Variants in HPS4 observed in about 807,000 individuals in gnomAD.
The protein encoded by HPS4 is BLOC-3 complex member HPS4.
HPS4 carries 44 observed loss-of-function variants against 70.3 expected under a neutral mutation model. The observed-to-expected ratio is 0.63, with a 90% CI of 0.49 to 0.80. HPS4 has a LOEUF of 0.80. Ranked by LOEUF, HPS4 falls within the 30% of genes least tolerant of loss-of-function variation. The pLI is 0.00. For missense variants in HPS4, 873 were observed against 884.4 expected, an observed-to-expected ratio of 0.99 and a Z score of 0.16; for synonymous variants, 377 against 355.9, an observed-to-expected ratio of 1.06 and a Z score of -0.67.
In HPS4 at chr22:26,477,431, C is replaced by A. The variant is rs4822723; in HGVS notation, c.133-295G>T. ...AGAGAACACCCAGCAGGAACACATG[C>A]GATGACTGCACAGAACCGCATTTCT... is the stretch of plus-strand genomic sequence containing the variant. On this transcript the variant is annotated intron_variant, in intron 3 of 13. Coordinates refer to ENST00000398145, the MANE Select transcript of HPS4 (RefSeq NM_022081.6). Among the ~76,000 whole-genome samples, 124,018 of 152,170 alleles carry A rather than the reference C, an allele frequency of 0.81. 51,290 individuals carry two copies. The highest frequency in any genetic ancestry group is 0.89 in the South Asian group (4,306 of 4,832).
At chr22:26,473,942 G>C (rs75943901) in intron 4 of HPS4, among the ~76,000 whole-genome samples, 15 of 152,176 alleles carry the variant, frequency 9.9e-5, no homozygotes, top group South Asian at 4.1e-4. Flanking sequence ...AGTAGCACAA[G>C]GATCTTTGCT....
intron 4 of HPS4, 80 bp from the exon 5 acceptor site, chr22:26,473,019 C>T (rs950800853): frequency 9.9e-6 from 12 of 1,207,996 alleles, no homozygotes; most frequent in African/African-American, 3.0e-5. Flanking sequence ...CCAGGGCTCT[C>T]AATTACCTGA....
Position 26,453,418 on chromosome 22 carries a change from AAAG to A in HPS4, c.1956-17_1956-15del, listed in dbSNP as rs1601769603. On this transcript the variant is annotated splice_polypyrimidine_tract_variant and intron_variant, in intron 13 of 13. Coordinates refer to ENST00000398145, the MANE Select transcript of HPS4 (RefSeq NM_022081.6). ...GTGGAGGCATTTCTGTTGGAGGAAG[AAAG>A]AAGGCAACGGTCCAATGCTGCTGGT... 1 of 1,613,400 alleles carries A rather than the reference AAAG, an allele frequency of 6.2e-7. No individual in the cohort carries two copies. The highest frequency in any genetic ancestry group is 1.7e-5 in the Admixed American group (1 of 60,026).
At chr22:26,479,875 T>C (rs967124314) in intron 2 of HPS4, among the ~76,000 whole-genome samples, 6 of 152,172 alleles carry the variant, frequency 3.9e-5, no homozygotes, top group African/African-American at 1.4e-4. Flanking sequence ...CAATGCAGGA[T>C]AGTGAGTCCA....
Position 26,452,318 on chromosome 22 carries a change from A to G in HPS4, c.*915T>C, listed in dbSNP as rs1228981805. The G allele has an allele frequency of 2.2e-6, 1 of 456,684 alleles. No individual in the cohort carries two copies. The highest frequency in any genetic ancestry group is 2.4e-5 in the Admixed American group (1 of 42,526). The allele number at this position is 456,684 out of a possible 1,614,324, so 28.3% of individuals were successfully genotyped here. A position where few individuals can be genotyped will look rare whatever the true frequency, so the allele number is the denominator to read the frequency against. ...CATACTGTCAAAAAAATGTCTGACT[A>G]TAACGTAATAGAACTGAGGTTCTAA... On this transcript the variant is annotated 3_prime_UTR_variant, in exon 14 of 14. Transcript: ENST00000398145.
In HPS4 at chr22:26,481,758, G is replaced by A; in HGVS notation, c.5C>T (p.Ala2Val). ...CTTTGCCTCTGTGGAGGTAGAGGTG[G>A]CCATCTACTGTGCAGTCATCCTCAT... is the stretch of plus-strand genomic sequence containing the variant. M[A>V]TSTSTEAKSA... is the part of the protein sequence containing the mutation. Residue 2 changes from alanine (A) to valine (V), a missense_variant, in exon 2 of 14, where the codon GCC becomes GTC. Ala to Val is a moderately conservative substitution (Grantham distance 64). Transcript: ENST00000398145. The A allele has an allele frequency of 6.2e-7, 1 of 1,613,946 alleles. No homozygotes were observed.
intron 3 of HPS4, 143 bp from the exon 4 acceptor site, chr22:26,477,279 A>C (rs905402081): frequency 8.4e-6 from 7 of 829,178 alleles, no homozygotes; most frequent in Non-Finnish European, 1.4e-5. Flanking sequence ...TGGTTCTTAT[A>C]CTTTTTAAAG....
chr22:26,457,841 C>T lies in HPS4; in HGVS notation c.1955+18G>A, dbSNP rs149340443. ...GGACCGTGGAGAGTAGGTTGGGGAG[C>T]GACTCAGGGAGGCTCACCTGACAGT... On this transcript the variant is annotated intron_variant, in intron 13 of 13. Coordinates refer to ENST00000398145, the MANE Select transcript of HPS4 (RefSeq NM_022081.6). The T allele has an allele frequency of 5.6e-4, 896 of 1,590,142 alleles. 11 individuals carry two copies. In the African/African-American group the frequency reaches 0.011, roughly 19 times the overall value.
intron 4 of HPS4, among the ~76,000 whole-genome samples, chr22:26,473,348 C>T (rs1160854111): frequency 6.6e-6 from 1 of 152,180 alleles, no homozygotes; most frequent in Admixed American, 6.5e-5. Flanking sequence ...GGACAGGACT[C>T]AAACTCCTTC....
intron 3 of HPS4, among the ~76,000 whole-genome samples, chr22:26,477,739 A>G (rs1186921207): frequency 6.6e-6 from 1 of 152,174 alleles, no homozygotes; most frequent in African/African-American, 2.4e-5. Flanking sequence ...AGATCTTACT[A>G]CTAATGTAAA....
Position 26,477,214 on chromosome 22 carries a change from C to T in HPS4, c.133-78G>A. ...AGTCATTTCTTACAGCATACTAAAGCCTGCAAGCCAAATCCAGTCTGTTAC... is the reference window on the plus strand; with the variant it reads ...AGTCATTTCTTACAGCATACTAAAGTCTGCAAGCCAAATCCAGTCTGTTAC... On this transcript the variant is annotated intron_variant, in intron 3 of 13. Coordinates refer to ENST00000398145, the MANE Select transcript of HPS4 (RefSeq NM_022081.6). 6 of 1,494,064 alleles carry T rather than the reference C, an allele frequency of 4.0e-6. No homozygotes were observed. In the South Asian group the frequency reaches 5.7e-5, roughly 14 times the overall value. 92.6% of individuals were successfully genotyped at this position (1,494,064 alleles called of 1,614,324 possible). A position where few individuals can be genotyped will look rare whatever the true frequency, so the allele number is the denominator to read the frequency against.
rs2146197312 is a variant in HPS4, at chr22:26,451,392, C to G, written c.*1841G>C. ...CAAGCTTTAGAGATGACGGCTGCAG[C>G]TGCCAGTGCCCTGGGGCTCTGAGCA... On this transcript the variant is annotated 3_prime_UTR_variant, in exon 14 of 14. Coordinates refer to ENST00000398145, the MANE Select transcript of HPS4 (RefSeq NM_022081.6). 6.6e-6 allele frequency: 1 copy of G among 152,370 alleles called. No homozygotes were observed. The highest frequency in any genetic ancestry group is 1.9e-4 in the East Asian group (1 of 5,188). 9.4% of individuals were successfully genotyped at this position (152,370 alleles called of 1,614,324 possible).
downstream of HPS4, among the ~76,000 whole-genome samples, chr22:26,450,230 C>A (rs1463090742): frequency 6.6e-6 from 1 of 152,210 alleles, no homozygotes; most frequent in Non-Finnish European, 1.5e-5. Context: ...TGGGGGCCAC[C>A]ATTCAGCTCA....
At chr22:26,456,623 C>T (rs181419286) in intron 13 of HPS4, among the ~76,000 whole-genome samples, 1 of 152,340 alleles carries the variant, frequency 6.6e-6, no homozygotes, top group East Asian at 1.9e-4. Context: ...TGAGCCCCTG[C>T]ACTCCAGCCT....
intron 11 of HPS4, among the ~76,000 whole-genome samples, chr22:26,463,325 G>C (rs2087705328): frequency 6.6e-6 from 1 of 152,220 alleles, no homozygotes. Context: ...GCTATGGAGG[G>C]AAACACTGGG....
At chr22:26,461,740 T>C (rs2087318952) in intron 11 of HPS4, among the ~76,000 whole-genome samples, 1 of 152,336 alleles carries the variant, frequency 6.6e-6, no homozygotes, top group Non-Finnish European at 1.5e-5. Flanking sequence ...CAAACACCTC[T>C]TCCTGATTAT....
chr22:26,458,588 G>C lies in HPS4; in HGVS notation c.1714-11C>G, dbSNP rs769250305. ...CAGGCTGCTGTGGTACTGCAAAGGG[G>C]GAGAGGGTCATGGGCTTGTAGGGCT... On this transcript the variant is annotated splice_polypyrimidine_tract_variant and intron_variant, in intron 11 of 13. Coordinates refer to ENST00000398145, the MANE Select transcript of HPS4 (RefSeq NM_022081.6). 1.6e-5 allele frequency: 26 copies of C among 1,613,788 alleles called. No homozygotes were observed. The highest frequency in any genetic ancestry group is 4.2e-6 in the Non-Finnish European group (5 of 1,179,910).
At chr22:26,443,208 A>G (rs1420326438), downstream of HPS4, 8 of 1,613,504 alleles carry the variant, frequency 5.0e-6, no homozygotes, top group East Asian at 1.1e-4. Flanking sequence ...GGACGATGAG[A>G]GTATTTCCCA....
At chr22:26,474,172 CAA>C (rs1182535010) in intron 4 of HPS4, among the ~76,000 whole-genome samples, 1 of 152,174 alleles carries the variant, frequency 6.6e-6, no homozygotes, top group Non-Finnish European at 1.5e-5. Context: ...TATCTGGTTT[CAA>C]GACTTACTAT....
Sources: allele counts gnomAD v4.1 joint callset (sites outside exome capture counted in the v4.1 genomes callset), GRCh38; gene constraint gnomAD v4.1.1; transcripts MANE v1.5; gene names NCBI Gene and HGNC (gene_info 2026-07-23, HGNC 2026-07-21).